RUNX1T1: variants seen among roughly 807,000 people sequenced by gnomAD.
The protein encoded by RUNX1T1 is RUNX1 partner transcriptional co-repressor 1.
Under a neutral mutation model 62.8 loss-of-function variants are expected in RUNX1T1, and 4 were observed. That is an observed-to-expected ratio of 0.06 (90% CI 0.03 to 0.15). The LOEUF (loss-of-function observed/expected upper bound fraction) is 0.15. RUNX1T1 is among the 10% of genes least tolerant of loss of function. The probability of loss-of-function intolerance (pLI) is 1.00; values close to 1 mark genes in which losing one functional copy is unlikely to be tolerated. For synonymous variants in RUNX1T1, 291 were observed against 286.0 expected (o/e 1.02, Z -0.18); for missense variants, 508 against 754.3 (o/e 0.67, Z 3.82).
chr8:91,979,855 T>TATACATGAAG (rs1297419042), intron 8 of RUNX1T1: 1 of 531,832 alleles, frequency 1.9e-6, no homozygotes, highest in South Asian at 1.5e-5. Context: ...TGATAGCCTT[T>TATACATGAAG]GGAGAAGCAA....
intron 10 of RUNX1T1, among the ~76,000 whole-genome samples, chr8:91,966,586 T>C (rs1244077049): frequency 6.6e-6 from 1 of 152,164 alleles, no homozygotes; most frequent in African/African-American, 2.4e-5. Context: ...AGCTGCAATC[T>C]GAGAGCATTC....
intron 1 of RUNX1T1, among the ~76,000 whole-genome samples, chr8:92,091,949 A>G (rs1252454848): frequency 6.6e-6 from 1 of 152,190 alleles, no homozygotes; most frequent in Admixed American, 6.5e-5. Flanking sequence ...CCCTTTATAC[A>G]TTCCTGAAAT....
chr8:92,092,665 G>A (rs1021630141), intron 1 of RUNX1T1, among the ~76,000 whole-genome samples: 1 of 152,060 alleles, frequency 6.6e-6, no homozygotes, highest in Non-Finnish European at 1.5e-5. Context: ...TATTTAAACA[G>A]GTTATTTTAA....
chr8:92,060,553 A>ATATATATATATGTG, intron 1 of RUNX1T1, among the ~76,000 whole-genome samples: 6 of 63,970 alleles, frequency 9.4e-5, no homozygotes, highest in African/African-American at 2.9e-4. Flanking sequence ...ATATATATAT[A>ATATATATATATGTG]TGTGTGTGTG....
intron 10 of RUNX1T1, among the ~76,000 whole-genome samples, chr8:91,960,799 G>T (rs1233457045): frequency 1.3e-5 from 2 of 152,090 alleles, no homozygotes; most frequent in African/African-American, 2.4e-5. Context: ...TTTTAGGTTT[G>T]GTTATCTTTG....
At chr8:92,051,616 TCTCTCTCA>T (rs1346100104) in intron 1 of RUNX1T1, among the ~76,000 whole-genome samples, 2 of 149,576 alleles carry the variant, frequency 1.3e-5, no homozygotes, top group Non-Finnish European at 3.0e-5. Flanking sequence ...TCTCTCTCTC[TCTCTCTCA>T]CTCTCTCTCT....
intron 1 of RUNX1T1, among the ~76,000 whole-genome samples, chr8:92,094,473 A>G (rs1837492584): frequency 6.6e-6 from 1 of 152,208 alleles, no homozygotes. Flanking sequence ...AAATCTACCT[A>G]ACAGACTTGT....
chr8:92,064,120 T>C (rs1486000362), upstream of RUNX1T1, among the ~76,000 whole-genome samples: 1 of 152,164 alleles, frequency 6.6e-6, no homozygotes, highest in Non-Finnish European at 1.5e-5. Context: ...CCTACACCTC[T>C]TCCCAAGAGT....
At chr8:92,014,482 T>A in intron 3 of RUNX1T1, 97 bp downstream of exon 4, 2 of 1,142,830 alleles carry the variant, frequency 1.8e-6, no homozygotes, top group Non-Finnish European at 2.5e-6. Flanking sequence ...GAAACTATTA[T>A]AACAAAATAC....
intron 1 of RUNX1T1, among the ~76,000 whole-genome samples, chr8:92,022,498 G>C (rs1251799609): frequency 6.6e-6 from 1 of 152,116 alleles, no homozygotes; most frequent in Non-Finnish European, 1.5e-5. Context: ...CAGCCCATAA[G>C]GGCTCTACCA....
intron 8 of RUNX1T1, among the ~76,000 whole-genome samples, chr8:91,985,840 A>G (rs1816446162): frequency 6.6e-6 from 1 of 152,158 alleles, no homozygotes; most frequent in Non-Finnish European, 1.5e-5. Context: ...ATTACGAAGG[A>G]GCACAAGTTT....
intron 10 of RUNX1T1, among the ~76,000 whole-genome samples, chr8:91,962,401 G>A (rs1420687720): frequency 6.6e-6 from 1 of 152,192 alleles, no homozygotes; most frequent in African/African-American, 2.4e-5. Flanking sequence ...AAACTTGGTT[G>A]ATATGTCAAA....
At chr8:92,095,722 G>A in intron 1 of RUNX1T1, 1 of 618,606 alleles carries the variant, frequency 1.6e-6, no homozygotes, top group Non-Finnish European at 2.5e-6. Context: ...CCCAGGATGG[G>A]GCCAGAAAGT....
At chr8:92,008,386 T>TCACACACACACA (rs1320545508) in intron 4 of RUNX1T1, among the ~76,000 whole-genome samples, 1 of 49,100 alleles carries the variant, frequency 2.0e-5, no homozygotes, top group African/African-American at 7.5e-5. Flanking sequence ...TCTCTCTCTC[T>TCACACACACACA]CTCACACACA....
chr8:92,078,689 C>A (rs1366408922), intron 1 of RUNX1T1, among the ~76,000 whole-genome samples: 1 of 152,156 alleles, frequency 6.6e-6, no homozygotes, highest in East Asian at 1.9e-4. Flanking sequence ...TGCAGTAGTT[C>A]AAGCTGCAAC....
intron 1 of RUNX1T1, among the ~76,000 whole-genome samples, chr8:92,022,546 A>C (rs1412107545): frequency 2.0e-5 from 3 of 152,154 alleles, no homozygotes; most frequent in East Asian, 3.9e-4. Flanking sequence ...TGGGTTGGAG[A>C]GAGCTAAGGA....
At chr8:91,974,763 C>T (rs939080711) in intron 9 of RUNX1T1, among the ~76,000 whole-genome samples, 3 of 152,140 alleles carry the variant, frequency 2.0e-5, no homozygotes, top group South Asian at 2.1e-4. Context: ...GCGTATTGGA[C>T]GTGCAAGACA....
At chr8:92,004,347 CTT>C (rs907459666) in intron 5 of RUNX1T1, 1 of 152,194 alleles carries the variant, frequency 6.6e-6, no homozygotes, top group African/African-American at 2.4e-5. Flanking sequence ...GCTAATAAGA[CTT>C]TGCATTCCTA....
In RUNX1T1 at chr8:92,062,303, A is replaced by G. The variant is rs373696327; in HGVS notation, c.7+243T>C. Among the ~76,000 whole-genome samples the G allele has an allele frequency of 1.8e-4, 27 of 152,200 alleles. No individual in the cohort carries two copies. In the South Asian group the frequency reaches 2.1e-3, roughly 12 times the overall value. On this transcript the variant is annotated intron_variant, in intron 1 of 10. Coordinates refer to ENST00000396218, the Ensembl canonical transcript of RUNX1T1. The stretch of plus-strand genomic sequence containing the variant: ...ACATCCGTGGCTGTACGACCCCCTC[A>G]ACCTTTAAAATACATCTCCCAAATT...
Sources: allele counts gnomAD v4.1 joint callset (sites outside exome capture counted in the v4.1 genomes callset), GRCh38; gene constraint gnomAD v4.1.1; transcripts MANE v1.5; gene names NCBI Gene and HGNC (gene_info 2026-07-23, HGNC 2026-07-21).